Variants in NIM1K observed in about 807,000 individuals in gnomAD.
The protein encoded by NIM1K is serine/threonine-protein kinase NIM1.
A neutral mutation model predicts 37.1 loss-of-function variants in NIM1K; 35 were observed. The ratio of observed to expected loss-of-function variants is 0.94; its 90% confidence interval spans 0.72 to 1.25. The LOEUF is 1.25. Among genes scored for constraint, NIM1K ranks in the 50% most tolerant of loss-of-function variants. The pLI is 0.00. For synonymous variants in NIM1K, 234 were observed against 206.6 expected (o/e 1.13, Z -1.14); for missense variants, 564 against 548.0 (o/e 1.03, Z -0.29).
intron 2 of NIM1K, among the ~76,000 whole-genome samples, chr5:43,247,237 T>C (rs1752790389): frequency 6.6e-6 from 1 of 152,204 alleles, no homozygotes; most frequent in African/African-American, 2.4e-5. Flanking sequence ...TCTGGGTTCA[T>C]GTCTTCACAT....
chr5:43,213,149 TTTTCTTTCTTTCTTTTTTTCTTTCTTTC>T (rs1554013546), intron 1 of NIM1K, among the ~76,000 whole-genome samples: 2,084 of 120,384 alleles, frequency 0.017, 47 homozygotes, highest in African/African-American at 0.04. Flanking sequence ...AAAATCTCCA[TTTTCTTTCTTTCTTTTTTTCTTTCTTTC>T]TTTCTTTCTT....
chr5:43,205,793 A>G (rs865855161), intron 1 of NIM1K, among the ~76,000 whole-genome samples: 2 of 152,006 alleles, frequency 1.3e-5, no homozygotes, highest in East Asian at 3.9e-4. Flanking sequence ...GCTCACTGCA[A>G]GCTCCACCTC....
chr5:43,270,624 T>C (rs1753241944), intron 2 of NIM1K, among the ~76,000 whole-genome samples: 1 of 152,172 alleles, frequency 6.6e-6, no homozygotes, highest in Non-Finnish European at 1.5e-5. Context: ...CTAGGGAAAG[T>C]ATGTCTGCCA....
At chr5:43,259,076 A>C (rs1752989766) in intron 2 of NIM1K, among the ~76,000 whole-genome samples, 3 of 152,222 alleles carry the variant, frequency 2.0e-5, no homozygotes, top group Admixed American at 6.5e-5. Context: ...AAGTTGCTGC[A>C]AAATACATTA....
At chr5:43,255,655 A>T (rs962816935) in intron 2 of NIM1K, among the ~76,000 whole-genome samples, 2 of 151,690 alleles carry the variant, frequency 1.3e-5, no homozygotes, top group Non-Finnish European at 2.9e-5. Flanking sequence ...AGACTGAGGC[A>T]GGAAAATCGC....
chr5:43,278,050 CTTT>C (rs1179740770), intron 3 of NIM1K, among the ~76,000 whole-genome samples: 1 of 126,460 alleles, frequency 7.9e-6, no homozygotes. Context: ...CTTTCTGTTT[CTTT>C]TTTTTTTTTT....
intron 1 of NIM1K, among the ~76,000 whole-genome samples, chr5:43,234,369 A>G (rs1056429202): frequency 3.0e-5 from 4 of 131,400 alleles, no homozygotes; most frequent in Non-Finnish European, 4.8e-5. Context: ...TTTAACAATT[A>G]TTTTAAAAAT....
chr5:43,201,315 A>C (rs139230311), intron 1 of NIM1K, among the ~76,000 whole-genome samples: 1 of 151,740 alleles, frequency 6.6e-6, no homozygotes, highest in Non-Finnish European at 1.5e-5. Context: ...AGGCTGAGGC[A>C]GGAGAATGGC....
rs530427323 is a variant in NIM1K at position 43,219,633 on chromosome 5, A to G, written c.-694-25449A>G. On this transcript the variant is annotated intron_variant, in intron 1 of 3. Transcript: ENST00000326035. ...ACAATTATTGAGTTGTGTTACTTAC[A>G]GATTCCATATACAAATACAAGTACC... Among the ~76,000 whole-genome samples, 253 of 152,354 alleles carry G rather than the reference A, an allele frequency of 1.7e-3. 3 individuals are homozygous for G. The Middle Eastern group carries it at 0.024, about 14-fold the overall frequency.
At chr5:43,235,243 C>G (rs912243061) in intron 1 of NIM1K, among the ~76,000 whole-genome samples, 2 of 152,070 alleles carry the variant, frequency 1.3e-5, no homozygotes, top group African/African-American at 4.8e-5. Flanking sequence ...ATTAATTATC[C>G]AATTCTTCAT....
chr5:43,248,726 T>A (rs1374278048), intron 2 of NIM1K, among the ~76,000 whole-genome samples: 1 of 151,888 alleles, frequency 6.6e-6, no homozygotes, highest in Non-Finnish European at 1.5e-5. Context: ...GAGGTATAAG[T>A]TCCAGTCTGA....
At chr5:43,252,840 G>A (rs966587742) in intron 2 of NIM1K, among the ~76,000 whole-genome samples, 8 of 152,136 alleles carry the variant, frequency 5.3e-5, no homozygotes, top group Admixed American at 2.6e-4. Flanking sequence ...AAGTGGCAGC[G>A]AATGTGGGTG....
At chr5:43,201,787 C>T (rs948499195) in intron 1 of NIM1K, among the ~76,000 whole-genome samples, 5 of 151,634 alleles carry the variant, frequency 3.3e-5, no homozygotes, top group African/African-American at 4.8e-5. Flanking sequence ...GGTGAAACCC[C>T]GTCTGTACTA....
intron 1 of NIM1K, chr5:43,232,154 A>C: frequency 1.0e-6 from 1 of 996,270 alleles, no homozygotes; most frequent in Non-Finnish European, 1.6e-6. Context: ...TAGATGATAC[A>C]CTTGGTCTTG....
At chr5:43,220,415 A>G (rs564633716) in intron 1 of NIM1K, among the ~76,000 whole-genome samples, 36 of 151,520 alleles carry the variant, frequency 2.4e-4, no homozygotes, top group African/African-American at 7.8e-4. Context: ...CATCCCGAGT[A>G]GCTGAGATTA....
intron 1 of NIM1K, among the ~76,000 whole-genome samples, chr5:43,241,452 G>C (rs1338111640): frequency 6.6e-6 from 1 of 151,054 alleles, no homozygotes; most frequent in African/African-American, 2.5e-5. Flanking sequence ...TGATTCTCTT[G>C]CCTCAGCCTC....
chr5:43,272,425 C>G (rs1020904809), intron 2 of NIM1K, among the ~76,000 whole-genome samples: 6 of 152,174 alleles, frequency 3.9e-5, no homozygotes, highest in African/African-American at 1.2e-4. Context: ...TCCAGATCTA[C>G]TCTCCACCCT....
chr5:43,277,350 C>A (rs1234191394), intron 3 of NIM1K, 25 bp downstream of exon 3: 2 of 1,603,844 alleles, frequency 1.2e-6, no homozygotes, highest in East Asian at 2.2e-5. Flanking sequence ...CGAGTGAGAA[C>A]CTTGCTCCCA....
chr5:43,234,711 T>C (rs1752592477), intron 1 of NIM1K, among the ~76,000 whole-genome samples: 1 of 152,230 alleles, frequency 6.6e-6, no homozygotes, highest in African/African-American at 2.4e-5. Context: ...CTTGGCTCAC[T>C]GCAACCTCCA....
Sources: allele counts gnomAD v4.1 joint callset (sites outside exome capture counted in the v4.1 genomes callset), GRCh38; gene constraint gnomAD v4.1.1; transcripts MANE v1.5; gene names NCBI Gene and HGNC (gene_info 2026-07-23, HGNC 2026-07-21).